Variants in TRNAU1AP observed in about 807,000 individuals in gnomAD.
TRNAU1AP encodes tRNA selenocysteine 1 associated protein 1, also known as tRNA selenocysteine 1-associated protein 1.
Under a neutral mutation model 43.3 loss-of-function variants are expected in TRNAU1AP, and 33 were observed. The observed-to-expected ratio is 0.76, with a 90% CI of 0.58 to 1.02. The LOEUF (loss-of-function observed/expected upper bound fraction) is 1.02. Among genes scored for constraint, TRNAU1AP ranks in the 50% least tolerant of loss-of-function variants. The probability of loss-of-function intolerance (pLI) is 0.00; values close to 1 mark genes in which losing one functional copy is unlikely to be tolerated. For missense variants in TRNAU1AP, 290 were observed against 362.7 expected (o/e 0.80, Z 1.63); for synonymous variants, 143 against 129.1 (o/e 1.11, Z -0.73).
chr1:28,574,334 C>T (rs958538414), intron 8 of TRNAU1AP, among the ~76,000 whole-genome samples: 3 of 151,976 alleles, frequency 2.0e-5, no homozygotes, highest in East Asian at 1.9e-4. Context: ...GTAATCCTCC[C>T]GCCTCAGCCT....
In TRNAU1AP at chr1:28,577,887, T is replaced by C. The variant is rs1288659849; in HGVS notation, c.*251T>C. 2.5e-6 allele frequency: 1 copy of C among 401,944 alleles called. No homozygotes were observed. Among genetic ancestry groups the C allele is most frequent in the Non-Finnish European group, 4.5e-6 (1 of 221,538 alleles). 24.9% of individuals were successfully genotyped at this position (401,944 alleles called of 1,614,324 possible). ...TCCTTTGTCCAGGTAGTTATCCACA[T>C]AGGACAGTTTGGGATTATCCAAAAC... On this transcript the variant is annotated 3_prime_UTR_variant, in exon 9 of 9. Transcript: ENST00000373830.
In TRNAU1AP at chr1:28,577,849, T is replaced by G; in HGVS notation, c.*213T>G. 1.9e-6 allele frequency: 1 copy of G among 538,750 alleles called. No homozygotes were observed. The highest frequency in any genetic ancestry group is 3.4e-5 in the Admixed American group (1 of 29,240). The allele number at this position is 538,750 out of a possible 1,614,324, so 33.4% of individuals were successfully genotyped here. A position where few individuals can be genotyped will look rare whatever the true frequency, so the allele number is the denominator to read the frequency against. ...CTTTTAAACAAGGTTCAAATTGGTT[T>G]CCTTCACAGGAATCCTTTGTCCAGG... On this transcript the variant is annotated 3_prime_UTR_variant, in exon 9 of 9. Coordinates refer to ENST00000373830, the MANE Select transcript of TRNAU1AP (RefSeq NM_017846.5).
At chr1:28,561,944 C>T (rs549049928) in intron 4 of TRNAU1AP, among the ~76,000 whole-genome samples, 93 of 152,110 alleles carry the variant, frequency 6.1e-4, no homozygotes, top group Non-Finnish European at 9.0e-4. Context: ...TGGTGGCAGG[C>T]GCCTGTAGTC....
intron 2 of TRNAU1AP, among the ~76,000 whole-genome samples, chr1:28,554,203 A>C (rs1263255980): frequency 4.1e-5 from 6 of 145,822 alleles, no homozygotes; most frequent in Non-Finnish European, 8.9e-5. Context: ...TGTCTCAAAA[A>C]AAAAAAAAAC....
At chr1:28,563,512 G>A (rs143914909) in intron 4 of TRNAU1AP, among the ~76,000 whole-genome samples, 40,075 of 151,824 alleles carry the variant, frequency 0.26, 5,477 homozygotes, top group Middle Eastern at 0.35. Context: ...GTGAAACCCC[G>A]TCTCTACTAA....
intron 5 of TRNAU1AP, among the ~76,000 whole-genome samples, chr1:28,566,080 ACAGG>A (rs1665530397): frequency 6.6e-6 from 1 of 151,672 alleles, no homozygotes; most frequent in Admixed American, 6.6e-5. Flanking sequence ...GCTTCGGGAG[ACAGG>A]CGGGTGGATC....
chr1:28,576,319 A>G (rs1665779883), intron 8 of TRNAU1AP, among the ~76,000 whole-genome samples: 1 of 147,580 alleles, frequency 6.8e-6, no homozygotes, highest in Non-Finnish European at 1.5e-5. Context: ...ATGCCCAGCT[A>G]ATTTTTTTTT....
chr1:28,570,515 T>G (rs1421194502), intron 6 of TRNAU1AP, among the ~76,000 whole-genome samples: 2 of 151,814 alleles, frequency 1.3e-5, no homozygotes, highest in African/African-American at 4.8e-5. Context: ...CCCAAAGTGT[T>G]GGGATTACAG....
intron 8 of TRNAU1AP, among the ~76,000 whole-genome samples, chr1:28,573,946 A>C (rs532523779): frequency 2.0e-5 from 3 of 152,096 alleles, no homozygotes; most frequent in Middle Eastern, 3.4e-3. Context: ...TCAAAAAAAA[A>C]AACAACAGTA....
At chr1:28,572,234 G>A (rs1665678014) in intron 8 of TRNAU1AP, among the ~76,000 whole-genome samples, 1 of 151,834 alleles carries the variant, frequency 6.6e-6, no homozygotes, top group Non-Finnish European at 1.5e-5. Flanking sequence ...ACTCTTGTTG[G>A]CCAGGCTGGA....
intron 6 of TRNAU1AP, among the ~76,000 whole-genome samples, chr1:28,569,771 G>A (rs1404702805): frequency 6.8e-6 from 1 of 147,466 alleles, no homozygotes; most frequent in Non-Finnish European, 1.5e-5. Context: ...CAGATCACAA[G>A]GTCAGGAGAT....
At chr1:28,576,758 C>T (rs911083929) in intron 8 of TRNAU1AP, among the ~76,000 whole-genome samples, 1 of 152,210 alleles carries the variant, frequency 6.6e-6, no homozygotes, top group African/African-American at 2.4e-5. Context: ...TGCCACCATG[C>T]CCGGCTCATT....
chr1:28,571,973 C>T, intron 8 of TRNAU1AP, 73 bp downstream of exon 8: 1 of 1,304,774 alleles, frequency 7.7e-7, no homozygotes, highest in Non-Finnish European at 1.1e-6. Context: ...GTGCTCTCAG[C>T]TAGAGGGAAG....
intron 5 of TRNAU1AP, among the ~76,000 whole-genome samples, chr1:28,566,320 A>C (rs1665536636): frequency 6.6e-6 from 1 of 150,750 alleles, no homozygotes; most frequent in South Asian, 2.1e-4. Context: ...ATCTCAAAAA[A>C]AAAAAAAAAA....
intron 2 of TRNAU1AP, among the ~76,000 whole-genome samples, chr1:28,559,192 C>T (rs1665349287): frequency 6.6e-6 from 1 of 152,124 alleles, no homozygotes; most frequent in Non-Finnish European, 1.5e-5. Context: ...CTGCCTCAGC[C>T]TGCCGAGTAG....
chr1:28,576,365 C>CTGGA (rs1665781003), intron 8 of TRNAU1AP, among the ~76,000 whole-genome samples: 1 of 150,210 alleles, frequency 6.7e-6, no homozygotes, highest in East Asian at 2.0e-4. Context: ...GTTGCCCAGG[C>CTGGA]TGGAGTGCAA....
At chr1:28,560,565 C>A in intron 2 of TRNAU1AP, 68 bp from the exon 3 acceptor site, 1 of 1,328,848 alleles carries the variant, frequency 7.5e-7, no homozygotes, top group Non-Finnish European at 1.1e-6. Context: ...CGTGAGCCAT[C>A]ACGCCTGGCC....
At chr1:28,560,864 G>A in intron 3 of TRNAU1AP, 132 bp downstream of exon 3, 1 of 904,394 alleles carries the variant, frequency 1.1e-6, no homozygotes, top group South Asian at 2.0e-5. Context: ...TGTTATCTTT[G>A]TAGGCCCAGG....
chr1:28,556,461 T>C (rs12139243), intron 2 of TRNAU1AP, among the ~76,000 whole-genome samples: 53,299 of 150,638 alleles, frequency 0.35, 10,204 homozygotes, highest in African/African-American at 0.48. Flanking sequence ...GAAACTTTGT[T>C]GCAAAAATAA....
Sources: allele counts gnomAD v4.1 joint callset (sites outside exome capture counted in the v4.1 genomes callset), GRCh38; gene constraint gnomAD v4.1.1; transcripts MANE v1.5; gene names NCBI Gene and HGNC (gene_info 2026-07-23, HGNC 2026-07-21).